CCDC146: variants seen among roughly 807,000 people sequenced by gnomAD.
The protein encoded by CCDC146 is coiled-coil domain containing 146.
Under a neutral mutation model 119.3 loss-of-function variants are expected in CCDC146, and 92 were observed. The ratio of observed to expected loss-of-function variants is 0.77; its 90% confidence interval spans 0.65 to 0.92. The LOEUF is 0.92. CCDC146 is among the 40% of genes least tolerant of loss of function. The pLI is 0.00. For missense variants in CCDC146, 1,000 were observed against 1,103.0 expected (o/e 0.91, Z 1.32); for synonymous variants, 372 against 371.8 (o/e 1.00, Z -0.01).
chr7:77,201,066 C>CAGA (rs1237343876), intron 2 of CCDC146, among the ~76,000 whole-genome samples: 37 of 152,280 alleles, frequency 2.4e-4, no homozygotes, highest in African/African-American at 8.4e-4. Flanking sequence ...AAAATGTTGG[C>CAGA]AGACTCTTTA....
intron 1 of CCDC146, among the ~76,000 whole-genome samples, chr7:77,160,876 C>T (rs1287709069): frequency 6.6e-6 from 1 of 152,094 alleles, no homozygotes; most frequent in East Asian, 1.9e-4. Context: ...AAAATTTTTG[C>T]AACCTACTCA....
intron 9 of CCDC146, among the ~76,000 whole-genome samples, chr7:77,270,639 T>C (rs1335556452): frequency 1.3e-5 from 2 of 152,188 alleles, no homozygotes; most frequent in African/African-American, 4.8e-5. Context: ...GGTTTGCAAT[T>C]TGGCCTCAAT....
In CCDC146 at chr7:77,255,685, T is replaced by C. The variant is rs146655603; in HGVS notation, c.508-648T>C. 2.9e-3 allele frequency among the ~76,000 whole-genome samples: 440 copies of C among 152,132 alleles called. 3 individuals carry two copies. Among genetic ancestry groups the C allele is most frequent in the Middle Eastern group, 0.024 (7 of 294 alleles). On this transcript the variant is annotated intron_variant, in intron 5 of 18. Transcript: ENST00000285871. ...CCCAGCACTTCGTCATTAGTAAGAGTAACGTGTAGACCTTCTGAGTGTAAG... is the reference window on the plus strand; with the variant it reads ...CCCAGCACTTCGTCATTAGTAAGAGCAACGTGTAGACCTTCTGAGTGTAAG...
chr7:77,280,837 C>T (rs1201746368), intron 14 of CCDC146, among the ~76,000 whole-genome samples, 184 bp downstream of exon 14: 3 of 152,138 alleles, frequency 2.0e-5, no homozygotes, highest in Non-Finnish European at 4.4e-5. Context: ...ACGCTGGGCA[C>T]AGTGGCATGA....
At chr7:77,235,070 T>C (rs1792709340) in intron 2 of CCDC146, among the ~76,000 whole-genome samples, 1 of 152,214 alleles carries the variant, frequency 6.6e-6, no homozygotes, top group Non-Finnish European at 1.5e-5. Context: ...TTCATTCATT[T>C]GCTAACAAAT....
intron 1 of CCDC146, among the ~76,000 whole-genome samples, chr7:77,130,723 C>T (rs113668035): frequency 0.012 from 1,741 of 149,576 alleles, 40 homozygotes; most frequent in African/African-American, 0.041. Flanking sequence ...CTCAGCCTCC[C>T]GTGTAGCTGG....
intron 1 of CCDC146, among the ~76,000 whole-genome samples, chr7:77,154,503 T>G (rs1447990825): frequency 7.1e-6 from 1 of 140,512 alleles, no homozygotes; most frequent in Admixed American, 7.1e-5. Flanking sequence ...CCCCTTCCTG[T>G]GTCCATGTGT....
intron 15 of CCDC146, among the ~76,000 whole-genome samples, chr7:77,284,647 G>T (rs941910792): frequency 6.6e-6 from 1 of 150,780 alleles, no homozygotes. Context: ...AAAAAAAATT[G>T]TCATTTTATT....
intron 2 of CCDC146, among the ~76,000 whole-genome samples, chr7:77,170,819 T>A (rs1791410118): frequency 6.6e-6 from 1 of 152,164 alleles, no homozygotes; most frequent in Non-Finnish European, 1.5e-5. Flanking sequence ...GAAAAAGTGC[T>A]CAGCATCACT....
intron 2 of CCDC146, among the ~76,000 whole-genome samples, chr7:77,183,821 C>A (rs1358849760): frequency 6.6e-6 from 1 of 152,194 alleles, no homozygotes; most frequent in African/African-American, 2.4e-5. Flanking sequence ...ACATAGTATT[C>A]TTTTTGGTCC....
At chr7:77,288,933 T>C (rs774481707) in intron 17 of CCDC146, among the ~76,000 whole-genome samples, 1 of 152,272 alleles carries the variant, frequency 6.6e-6, no homozygotes, top group African/African-American at 2.4e-5. Flanking sequence ...TGTGGAACAC[T>C]AAACAAGAAA....
At chr7:77,281,969 G>T (rs948693426) in intron 14 of CCDC146, among the ~76,000 whole-genome samples, 2 of 152,152 alleles carry the variant, frequency 1.3e-5, no homozygotes, top group Non-Finnish European at 2.9e-5. Flanking sequence ...GAGCTGCTGG[G>T]GTTAGAACAT....
intron 2 of CCDC146, among the ~76,000 whole-genome samples, chr7:77,218,669 A>C (rs1459391877): frequency 2.6e-5 from 4 of 151,476 alleles, no homozygotes; most frequent in Non-Finnish European, 5.9e-5. Flanking sequence ...CACAATCACA[A>C]CTCACTGCAG....
At chr7:77,224,076 A>G (rs558160837) in intron 2 of CCDC146, among the ~76,000 whole-genome samples, 1 of 152,346 alleles carries the variant, frequency 6.6e-6, no homozygotes, top group East Asian at 1.9e-4. Context: ...ATGTAAAAAC[A>G]TGGTATGGTT....
At chr7:77,291,294 G>A (rs928138351) in intron 17 of CCDC146, among the ~76,000 whole-genome samples, 9 of 152,092 alleles carry the variant, frequency 5.9e-5, no homozygotes, top group Admixed American at 1.3e-4. Context: ...TTATAAGACA[G>A]CTTACAGGAA....
chr7:77,128,791 TC>T (rs1460296627), intron 1 of CCDC146, among the ~76,000 whole-genome samples: 2 of 152,128 alleles, frequency 1.3e-5, no homozygotes, highest in African/African-American at 2.4e-5. Context: ...TGTGGGGGAA[TC>T]CCGATACTCT....
At chr7:77,137,436 G>T (rs896638380) in intron 1 of CCDC146, among the ~76,000 whole-genome samples, 3 of 144,796 alleles carry the variant, frequency 2.1e-5, no homozygotes, top group Admixed American at 1.4e-4. Flanking sequence ...TTTTGCAAAC[G>T]TCAGTCACTT....
At chr7:77,294,562 GTC>G in intron 18 of CCDC146, 99 bp from the exon 19 acceptor site, 1 of 1,107,500 alleles carries the variant, frequency 9.0e-7, no homozygotes, top group East Asian at 2.6e-5. Context: ...AGCTAGCACG[GTC>G]AAAGACTGTC....
At chr7:77,208,750 G>C (rs1792124729) in intron 2 of CCDC146, among the ~76,000 whole-genome samples, 1 of 152,140 alleles carries the variant, frequency 6.6e-6, no homozygotes, top group South Asian at 2.1e-4. Context: ...TGTCACCCAG[G>C]CTGGAATGCA....
Sources: gnomAD v4.1 joint callset for allele counts (sites outside exome capture counted in the v4.1 genomes callset) on GRCh38, gnomAD v4.1.1 for gene constraint, MANE v1.5 for transcripts, NCBI Gene and HGNC (gene_info 2026-07-23, HGNC 2026-07-21) for gene names.